The following ST8SIA5 variants were observed in gnomAD, a reference collection of about 807,000 sequenced individuals.
The protein encoded by ST8SIA5 is alpha-2,8-sialyltransferase 8E.
A neutral mutation model predicts 40.2 loss-of-function variants in ST8SIA5; 24 were observed. The observed-to-expected ratio is 0.60, with a 90% CI of 0.43 to 0.84. The LOEUF is 0.84. Ranked by LOEUF, ST8SIA5 falls within the 40% of genes least tolerant of loss-of-function variation. The pLI, the probability that ST8SIA5 is intolerant of heterozygous loss-of-function variation, is 0.00. For missense variants in ST8SIA5, 465 were observed against 498.5 expected, an observed-to-expected ratio of 0.93 and a Z score of 0.64; for synonymous variants, 198 against 201.8, an observed-to-expected ratio of 0.98 and a Z score of 0.16.
intron 1 of ST8SIA5, among the ~76,000 whole-genome samples, chr18:46,706,476 A>G (rs2155987): frequency 0.93 from 141,079 of 152,212 alleles, 65,474 homozygotes; most frequent in Non-Finnish European, 0.95. Flanking sequence ...TTGGGTTGGT[A>G]CAAAAGCAAT....
At chr18:46,745,314 G>A (rs535233215) in intron 1 of ST8SIA5, among the ~76,000 whole-genome samples, 211 of 151,986 alleles carry the variant, frequency 1.4e-3, no homozygotes, top group African/African-American at 4.5e-3. Context: ...TTGATAGACC[G>A]CTAGCAAAAC....
chr18:46,700,718 T>C (rs557403904), intron 2 of ST8SIA5, among the ~76,000 whole-genome samples: 86 of 152,250 alleles, frequency 5.6e-4, no homozygotes, highest in Non-Finnish European at 9.9e-4. Context: ...CTAGGATGGC[T>C]GCTCACCCTA....
intron 2 of ST8SIA5, among the ~76,000 whole-genome samples, chr18:46,702,031 C>A (rs2039622115): frequency 6.6e-6 from 1 of 151,396 alleles, no homozygotes; most frequent in Non-Finnish European, 1.5e-5. Context: ...CCTGTAATCC[C>A]AGCTACTTGG....
In ST8SIA5 at chr18:46,678,963, G is replaced by A. The variant is rs57714274; in HGVS notation, c.*1079C>T. 10,804 of 152,250 alleles carry A rather than the reference G, an allele frequency of 0.071. 581 individuals are homozygous for A. Among genetic ancestry groups the A allele is most frequent in the East Asian group, 0.33 (1,702 of 5,166 alleles). 9.4% of individuals were successfully genotyped at this position (152,250 alleles called of 1,614,324 possible). On this transcript the variant is annotated 3_prime_UTR_variant, in exon 7 of 7. Coordinates refer to ENST00000315087, the MANE Select transcript of ST8SIA5 (RefSeq NM_013305.6). Reference sequence around the variant, plus strand: ...CCTGGGGTCTGCTGTGAGAAGTCCCGCCTTCACAGCGGAAGCCTCAGTGAT... The same window carrying A: ...CCTGGGGTCTGCTGTGAGAAGTCCCACCTTCACAGCGGAAGCCTCAGTGAT...
chr18:46,755,236 C>T lies in ST8SIA5; in HGVS notation c.131+1142G>A, dbSNP rs188860174. On this transcript the variant is annotated intron_variant, in intron 1 of 6. Transcript: ENST00000315087. ...GCAGCGATCCTCACCCTCCCACCTT[C>T]GTGGGCAGCCCAGATTGGGAGCACC... Among the ~76,000 whole-genome samples the T allele has an allele frequency of 1.0e-3, 157 of 152,344 alleles. 1 individual carries two copies. The highest frequency in any genetic ancestry group is 3.6e-3 in the African/African-American group (151 of 41,582).
chr18:46,680,437 G>A lies in ST8SIA5; in HGVS notation c.736C>T (p.Leu246=). 1 of 1,612,170 alleles carries A rather than the reference G, an allele frequency of 6.2e-7. No individual in the cohort carries two copies. The part of the protein sequence containing the change: ...LQVYENASVL[L]PAFYNTRNTD... ...TTGCGCGTGTTGTAGAAGGCAGGCA[G>A]CAGCACCGACGCGTTCTCGTACACC... The change falls in exon 7 of 7, where the codon CTG becomes TTG. Residue 246 remains leucine, a synonymous_variant. Transcript: ENST00000315087.
At chr18:46,733,442 T>A (rs1283934878) in intron 1 of ST8SIA5, among the ~76,000 whole-genome samples, 1 of 152,156 alleles carries the variant, frequency 6.6e-6, no homozygotes, top group Non-Finnish European at 1.5e-5. Context: ...CCAACAGCCA[T>A]CCCAGGCCAC....
intron 1 of ST8SIA5, among the ~76,000 whole-genome samples, chr18:46,734,109 C>T (rs917869449): frequency 2.0e-5 from 3 of 152,106 alleles, no homozygotes; most frequent in Non-Finnish European, 2.9e-5. Context: ...CAGATTAGAG[C>T]GGAGATGCTT....
Position 46,756,662 on chromosome 18 carries a change from G to A in ST8SIA5, c.-154C>T, listed in dbSNP as rs2040252115. 3 of 892,480 alleles carry A rather than the reference G, an allele frequency of 3.4e-6. No homozygotes were observed. Among genetic ancestry groups the A allele is most frequent in the Admixed American group, 3.1e-5 (1 of 31,996 alleles). The allele number at this position is 892,480 out of a possible 1,614,324, so 55.3% of individuals were successfully genotyped here. ...GAGGGGCAAAGTTTCTGGTTGGCGC[G>A]GCCGGAGCTGGGGGCATCCAAGCGT... On this transcript the variant is annotated 5_prime_UTR_variant, in exon 1 of 7. Coordinates refer to ENST00000315087, the MANE Select transcript of ST8SIA5 (RefSeq NM_013305.6).
chr18:46,685,505 C>G (rs180889432), intron 5 of ST8SIA5, among the ~76,000 whole-genome samples: 8 of 152,264 alleles, frequency 5.3e-5, no homozygotes, highest in African/African-American at 1.9e-4. Flanking sequence ...GCCAAGAACC[C>G]GAAATATGCA....
intron 1 of ST8SIA5, among the ~76,000 whole-genome samples, chr18:46,713,486 G>A (rs1037744292): frequency 2.0e-5 from 3 of 152,168 alleles, no homozygotes; most frequent in African/African-American, 7.2e-5. Flanking sequence ...GCACATTCCA[G>A]AGTCAAAGGA....
At chr18:46,713,902 G>A (rs1421616226) in intron 1 of ST8SIA5, among the ~76,000 whole-genome samples, 2 of 152,186 alleles carry the variant, frequency 1.3e-5, no homozygotes, top group Non-Finnish European at 2.9e-5. Flanking sequence ...AAGTCTGCAG[G>A]TGAAGGAGGG....
chr18:46,709,079 T>C (rs924378160), intron 1 of ST8SIA5, among the ~76,000 whole-genome samples: 2 of 152,168 alleles, frequency 1.3e-5, no homozygotes, highest in African/African-American at 4.8e-5. Flanking sequence ...TCTAGCTCAG[T>C]CTGTAGAGAT....
chr18:46,699,718 G>C (rs770953548), intron 2 of ST8SIA5, among the ~76,000 whole-genome samples: 3 of 152,104 alleles, frequency 2.0e-5, no homozygotes, highest in African/African-American at 7.2e-5. Flanking sequence ...GTTTGCACCC[G>C]GGTCTCACCC....
intron 5 of ST8SIA5, among the ~76,000 whole-genome samples, chr18:46,685,632 G>C (rs868810946): frequency 3.9e-5 from 6 of 152,182 alleles, no homozygotes; most frequent in Non-Finnish European, 7.3e-5. Flanking sequence ...CCCCACTGCA[G>C]ACTCAACCCA....
rs956864718 is a variant in ST8SIA5, at chr18:46,682,190, G to A, written c.570-126C>T. The stretch of plus-strand genomic sequence containing the variant: ...GGATGCAAAGGCAACCAGCTAGGCA[G>A]GTTCTCTGTAGCCAGGTGATAAGAC... On this transcript the variant is annotated intron_variant, in intron 5 of 6. Transcript: ENST00000315087. The A allele has an allele frequency of 5.9e-6, 4 of 672,392 alleles. No individual in the cohort carries two copies. In the African/African-American group the frequency reaches 7.4e-5, roughly 12 times the overall value. 41.7% of individuals were successfully genotyped at this position (672,392 alleles called of 1,614,324 possible). A position where few individuals can be genotyped will look rare whatever the true frequency, so the allele number is the denominator to read the frequency against.
chr18:46,736,729 C>T (rs1233542675), intron 1 of ST8SIA5, among the ~76,000 whole-genome samples: 4 of 152,036 alleles, frequency 2.6e-5, no homozygotes, highest in Admixed American at 1.3e-4. Flanking sequence ...CCCAGATACT[C>T]GGCAAATGCA....
At chr18:46,743,542 C>T (rs1045929105) in intron 1 of ST8SIA5, among the ~76,000 whole-genome samples, 2 of 152,082 alleles carry the variant, frequency 1.3e-5, no homozygotes, top group Non-Finnish European at 2.9e-5. Context: ...GTGAACAAAG[C>T]CTCCAAGAAA....
At position 46,724,497 on chromosome 18, in the gene ST8SIA5, G is replaced by A. The variant is rs140140445; in HGVS notation, c.132-19833C>T. Among the ~76,000 whole-genome samples the A allele has an allele frequency of 5.3e-5, 8 of 152,370 alleles. No homozygotes were observed. The East Asian group carries it at 1.3e-3, about 26-fold the overall frequency. On this transcript the variant is annotated intron_variant, in intron 1 of 6. Coordinates refer to ENST00000315087, the MANE Select transcript of ST8SIA5 (RefSeq NM_013305.6). ...GCTCCGGTCTGGTTCTGATTCAATA[G>A]TTATTCATTTATCCATTTATTTATT...
Sources: allele counts gnomAD v4.1 joint callset (sites outside exome capture counted in the v4.1 genomes callset), GRCh38; gene constraint gnomAD v4.1.1; transcripts MANE v1.5; gene names NCBI Gene and HGNC (gene_info 2026-07-23, HGNC 2026-07-21).